MAF: variants seen among roughly 807,000 people sequenced by gnomAD.
MAF encodes the protein MAF bZIP transcription factor.
In MAF, 10 loss-of-function variants were observed where a neutral mutation model predicts 22.0. The ratio of observed to expected loss-of-function variants is 0.45; its 90% CI spans 0.28 to 0.77. MAF has a LOEUF of 0.77. MAF is among the 30% of genes least tolerant of loss of function. The probability of loss-of-function intolerance (pLI) is 0.12; values close to 1 mark genes in which losing one functional copy is unlikely to be tolerated. For synonymous variants in MAF, 337 were observed against 255.8 expected, an observed-to-expected ratio of 1.32 and a Z score of -3.03; for missense variants, 544 against 548.4, an observed-to-expected ratio of 0.99 and a Z score of 0.08.
At chr16:79,532,947 G>T in the MAF span, among the ~76,000 whole-genome samples, 2 of 152,106 alleles carry the variant, frequency 1.3e-5, no homozygotes, top group Non-Finnish European at 1.5e-5. Context: ...GCTGGCCTTG[G>T]GTCTTTGCCG....
the MAF span, among the ~76,000 whole-genome samples, chr16:79,261,038 G>T: frequency 1.3e-5 from 2 of 152,308 alleles, no homozygotes; most frequent in African/African-American, 2.4e-5. Flanking sequence ...GGCTTGAGAT[G>T]AGGGCTGGGG....
chr16:79,208,990 T>A, the MAF span, among the ~76,000 whole-genome samples: 1 of 152,208 alleles, frequency 6.6e-6, no homozygotes, highest in African/African-American at 2.4e-5. Context: ...GGTGGACGAT[T>A]GATTTTTGGA....
chr16:79,476,359 G>A, the MAF span, among the ~76,000 whole-genome samples: 8 of 152,172 alleles, frequency 5.3e-5, no homozygotes, highest in Non-Finnish European at 2.9e-5. Context: ...ATAAATGTTA[G>A]CTGCTGAATT....
chr16:79,291,157 G>T, the MAF span, among the ~76,000 whole-genome samples: 1 of 152,130 alleles, frequency 6.6e-6, no homozygotes, highest in Admixed American at 6.5e-5. Context: ...AAATGGGGCC[G>T]TCGTCTGCTG....
At chr16:79,271,142 C>T in the MAF span, among the ~76,000 whole-genome samples, 140 of 151,342 alleles carry the variant, frequency 9.3e-4, no homozygotes, top group Middle Eastern at 6.8e-3. Context: ...TCTTGAACTC[C>T]TGATCTCAGG....
chr16:79,551,544 C>T, the MAF span, among the ~76,000 whole-genome samples: 1 of 152,164 alleles, frequency 6.6e-6, no homozygotes, highest in African/African-American at 2.4e-5. Context: ...CCTTTTGAAA[C>T]AGAAATTAAA....
chr16:79,340,531 C>G, the MAF span, among the ~76,000 whole-genome samples: 1 of 151,622 alleles, frequency 6.6e-6, no homozygotes, highest in African/African-American at 2.4e-5. Context: ...AAACAGCCAA[C>G]AGCAAAATTT....
the MAF span, chr16:79,211,672 T>G: frequency 1.2e-6 from 2 of 1,614,190 alleles, no homozygotes; most frequent in Non-Finnish European, 1.7e-6. Context: ...CTGGGAGGGA[T>G]GTACTTCAAC....
chr16:79,355,956 C>A, the MAF span, among the ~76,000 whole-genome samples: 3 of 152,140 alleles, frequency 2.0e-5, no homozygotes, highest in Non-Finnish European at 2.9e-5. Flanking sequence ...CCTTCTACAA[C>A]TAATGTCTCT....
At chr16:79,595,076 C>T (rs75635808) in intron 1 of MAF, 8 of 1,045,400 alleles carry the variant, frequency 7.7e-6, no homozygotes, top group Non-Finnish European at 9.2e-6. Flanking sequence ...AAAGCATTCT[C>T]TCCATTTCTG....
At chr16:79,463,379 T>C in the MAF span, among the ~76,000 whole-genome samples, 2 of 152,234 alleles carry the variant, frequency 1.3e-5, no homozygotes, top group Non-Finnish European at 2.9e-5. Context: ...CCAGCTTACC[T>C]TGATGCCCTG....
the MAF span, among the ~76,000 whole-genome samples, chr16:79,451,035 G>A: frequency 2.6e-5 from 4 of 152,084 alleles, no homozygotes; most frequent in Non-Finnish European, 5.9e-5. Flanking sequence ...TACCTGTACA[G>A]CAACACTTCT....
At chr16:79,445,022 GATTTATTTATTT>G in the MAF span, among the ~76,000 whole-genome samples, 1 of 151,898 alleles carries the variant, frequency 6.6e-6, no homozygotes, top group Non-Finnish European at 1.5e-5. Flanking sequence ...AACACATAAA[GATTTATTTATTT>G]ATTTATTTAT....
At chr16:79,313,691 T>A in the MAF span, among the ~76,000 whole-genome samples, 1 of 152,276 alleles carries the variant, frequency 6.6e-6, no homozygotes, top group Admixed American at 6.5e-5. Flanking sequence ...CTTTTAGCCT[T>A]GCTTCTGTGG....
At chr16:79,416,561 T>C in the MAF span, among the ~76,000 whole-genome samples, 1 of 150,254 alleles carries the variant, frequency 6.7e-6, no homozygotes, top group African/African-American at 2.5e-5. Context: ...TTTTTAAAGC[T>C]GAAAGTTTTA....
chr16:79,223,080 C>T, the MAF span, among the ~76,000 whole-genome samples: 176 of 152,256 alleles, frequency 1.2e-3, no homozygotes, highest in African/African-American at 4.2e-3. Context: ...TTCTCAGCAC[C>T]ACATTGCACT....
chr16:79,226,966 C>T, the MAF span, among the ~76,000 whole-genome samples: 2 of 151,950 alleles, frequency 1.3e-5, no homozygotes, highest in African/African-American at 2.4e-5. Flanking sequence ...TTCCCAGGAA[C>T]AGGATGGGGA....
At chr16:79,394,406 A>T in the MAF span, among the ~76,000 whole-genome samples, 2 of 152,074 alleles carry the variant, frequency 1.3e-5, no homozygotes, top group Non-Finnish European at 2.9e-5. Flanking sequence ...CACAGGCCAA[A>T]TTGGTTCCTC....
chr16:79,230,614 G>C, the MAF span, among the ~76,000 whole-genome samples: 1 of 152,140 alleles, frequency 6.6e-6, no homozygotes, highest in East Asian at 1.9e-4. Flanking sequence ...TGTCTGCAAA[G>C]TTGACCTGAA....
Sources: gnomAD v4.1 joint callset for allele counts (sites outside exome capture counted in the v4.1 genomes callset) on GRCh38, gnomAD v4.1.1 for gene constraint, MANE v1.5 for transcripts, NCBI Gene and HGNC (gene_info 2026-07-23, HGNC 2026-07-21) for gene names.